The following MARCHF6 variants were observed in gnomAD, a reference collection of about 807,000 sequenced individuals.
MARCHF6 encodes the protein membrane associated ring-CH-type finger 6.
A neutral mutation model predicts 133.7 loss-of-function variants in MARCHF6; 31 were observed. The observed-to-expected ratio is 0.23, with a 90% CI of 0.17 to 0.31. The LOEUF (loss-of-function observed/expected upper bound fraction) is 0.31. Ranked by LOEUF, MARCHF6 falls within the 10% of genes least tolerant of loss-of-function variation. MARCHF6 has a pLI of 1.00. For missense variants in MARCHF6, 723 were observed against 1,121.6 expected (o/e 0.64, Z 5.08); for synonymous variants, 395 against 402.5 (o/e 0.98, Z 0.22).
Position 10,374,443 on chromosome 5 carries a change from G to A in MARCHF6, c.20-3355G>A, listed in dbSNP as rs532607961. On this transcript the variant is annotated intron_variant, in intron 1 of 25. Transcript: ENST00000274140. ...CTGAGTTTCCCTGGAGCTGAAGTGTGCACTTGAAGAAAATTAGTGTTCAAA... is the reference window on the plus strand; with the variant it reads ...CTGAGTTTCCCTGGAGCTGAAGTGTACACTTGAAGAAAATTAGTGTTCAAA... 7.2e-5 allele frequency among the ~76,000 whole-genome samples: 11 copies of A among 152,260 alleles called. No homozygotes were observed. In the East Asian group the frequency reaches 2.1e-3, roughly 29 times the overall value.
chr5:10,419,563 C>T (rs1027222900), intron 22 of MARCHF6, among the ~76,000 whole-genome samples: 3 of 150,842 alleles, frequency 2.0e-5, no homozygotes, highest in Non-Finnish European at 2.9e-5. Context: ...CTGTAAGAGC[C>T]GTATTCCAGA....
intron 11 of MARCHF6, 164 bp downstream of exon 11, chr5:10,401,006 C>T (rs1009522960): frequency 3.4e-6 from 2 of 580,146 alleles, no homozygotes; most frequent in African/African-American, 1.9e-5. Flanking sequence ...AACAGTGGCT[C>T]AAGAGATAGT....
At chr5:10,375,631 G>A (rs1024615400) in intron 1 of MARCHF6, among the ~76,000 whole-genome samples, 4 of 152,256 alleles carry the variant, frequency 2.6e-5, no homozygotes, top group African/African-American at 7.2e-5. Flanking sequence ...TGAGTCTGGT[G>A]GGGACGTGGA....
chr5:10,422,966 A>T (rs960112939), intron 22 of MARCHF6, among the ~76,000 whole-genome samples: 3 of 151,262 alleles, frequency 2.0e-5, no homozygotes, highest in Non-Finnish European at 2.9e-5. Flanking sequence ...TTTTGGTTTT[A>T]TGTAAGAATC....
At chr5:10,369,750 C>G (rs1398812339) in intron 1 of MARCHF6, among the ~76,000 whole-genome samples, 2 of 151,996 alleles carry the variant, frequency 1.3e-5, no homozygotes, top group Non-Finnish European at 2.9e-5. Flanking sequence ...AGTATGTAGT[C>G]TTTTGAGTCT....
intron 25 of MARCHF6, 103 bp from the exon 26 acceptor site, chr5:10,433,491 A>G (rs1264712260): frequency 3.6e-6 from 3 of 836,732 alleles, no homozygotes; most frequent in South Asian, 1.5e-5. Context: ...GACTTGCCCA[A>G]CCATTGACGA....
chr5:10,355,410 A>G (rs190712739), intron 1 of MARCHF6, among the ~76,000 whole-genome samples: 191 of 152,250 alleles, frequency 1.3e-3, no homozygotes, highest in African/African-American at 4.5e-3. Context: ...ATTACATTCA[A>G]TTCTCATTCT....
At chr5:10,391,956 A>G (rs1382918013) in intron 7 of MARCHF6, among the ~76,000 whole-genome samples, 1 of 147,844 alleles carries the variant, frequency 6.8e-6, no homozygotes, top group Non-Finnish European at 1.5e-5. Flanking sequence ...CTTTTTACAC[A>G]GGCCTTTTTT....
At chr5:10,405,446 A>G in intron 15 of MARCHF6, 112 bp from the exon 16 acceptor site, 1 of 882,330 alleles carries the variant, frequency 1.1e-6, no homozygotes, top group South Asian at 2.2e-5. Context: ...TCTGGGGCCC[A>G]CTTTAGATGC....
intron 1 of MARCHF6, among the ~76,000 whole-genome samples, chr5:10,374,289 A>G (rs1039787716): frequency 1.3e-5 from 2 of 152,286 alleles, no homozygotes; most frequent in East Asian, 3.9e-4. Context: ...CGGTAATCCC[A>G]CTTTCAATGT....
intron 21 of MARCHF6, 30 bp downstream of exon 21, chr5:10,415,699 G>T: frequency 6.5e-6 from 10 of 1,537,252 alleles, no homozygotes; most frequent in Non-Finnish European, 8.8e-6. Context: ...GACTGATCTT[G>T]TATGTTAGGA....
chr5:10,388,302 A>G (rs539028930), intron 5 of MARCHF6, among the ~76,000 whole-genome samples: 1 of 152,212 alleles, frequency 6.6e-6, no homozygotes, highest in Non-Finnish European at 1.5e-5. Flanking sequence ...TTCTGATAGC[A>G]GTTGTGACCA....
Position 10,394,744 on chromosome 5 carries a change from T to G in MARCHF6, c.829-9T>G. 6.3e-7 allele frequency: 1 copy of G among 1,584,068 alleles called. No homozygotes were observed. The stretch of plus-strand genomic sequence containing the variant: ...TTAAATTAATGCTTATCGTTTTTGT[T>G]TATTTTAGATGCTAGGACTTGATGG... On this transcript the variant is annotated splice_polypyrimidine_tract_variant and intron_variant, in intron 8 of 25. Coordinates refer to ENST00000274140, the MANE Select transcript of MARCHF6 (RefSeq NM_005885.4).
chr5:10,363,761 A>G (rs1382667722), intron 1 of MARCHF6, among the ~76,000 whole-genome samples: 3 of 152,258 alleles, frequency 2.0e-5, no homozygotes, highest in Admixed American at 6.5e-5. Context: ...AAAATAGAAT[A>G]TTACCCAGCA....
At chr5:10,388,981 G>C (rs1287181836) in intron 5 of MARCHF6, among the ~76,000 whole-genome samples, 1 of 152,140 alleles carries the variant, frequency 6.6e-6, no homozygotes. Context: ...TTACTAAGGT[G>C]GTAGTTAGGA....
intron 17 of MARCHF6, among the ~76,000 whole-genome samples, chr5:10,409,281 G>GTA (rs1359050141): frequency 6.6e-6 from 1 of 152,232 alleles, no homozygotes; most frequent in Non-Finnish European, 1.5e-5. Flanking sequence ...GCCAGTAAGG[G>GTA]TATAGAAAGT....
intron 3 of MARCHF6, among the ~76,000 whole-genome samples, chr5:10,380,603 CAAT>C (rs1479229678): frequency 6.6e-6 from 1 of 152,136 alleles, no homozygotes; most frequent in Non-Finnish European, 1.5e-5. Flanking sequence ...CTATCGAAGT[CAAT>C]GATCTGTGGG....
chr5:10,380,926 C>CAAAAAA (rs200519303), intron 3 of MARCHF6, among the ~76,000 whole-genome samples: 3 of 98,410 alleles, frequency 3.0e-5, no homozygotes, highest in Non-Finnish European at 6.2e-5. Flanking sequence ...GACTCTGACT[C>CAAAAAA]AAAAAAAAAA....
chr5:10,366,256 T>C (rs1736134131), intron 1 of MARCHF6, among the ~76,000 whole-genome samples: 1 of 152,214 alleles, frequency 6.6e-6, no homozygotes, highest in African/African-American at 2.4e-5. Flanking sequence ...CTGTATACAT[T>C]CCATATAGTG....
Sources: allele counts gnomAD v4.1 joint callset (sites outside exome capture counted in the v4.1 genomes callset), GRCh38; gene constraint gnomAD v4.1.1; transcripts MANE v1.5; gene names NCBI Gene and HGNC (gene_info 2026-07-23, HGNC 2026-07-21).